The following GLI2 variants were observed in gnomAD, a reference collection of about 807,000 sequenced individuals.
GLI2 encodes GLI family zinc finger 2, also known as transcription activator GLI2.
In GLI2, 22 loss-of-function variants were observed where a neutral mutation model predicts 78.9. That is an observed-to-expected ratio of 0.28 (90% confidence interval 0.20 to 0.40). The LOEUF is 0.40. Among genes scored for constraint, GLI2 ranks in the 10% least tolerant of loss-of-function variants. GLI2 has a pLI of 1.00. For missense variants in GLI2, 2,097 were observed against 2,213.2 expected, an observed-to-expected ratio of 0.95 and a Z score of 1.05; for synonymous variants, 974 against 963.7, an observed-to-expected ratio of 1.01 and a Z score of -0.20.
chr2:120,924,896 C>A (rs536330173), intron 2 of GLI2, among the ~76,000 whole-genome samples: 2 of 152,228 alleles, frequency 1.3e-5, no homozygotes, highest in Non-Finnish European at 2.9e-5. Context: ...AGTCTCCGGG[C>A]GAAGCGCCTC....
chr2:120,823,120 T>C (rs899008432), intron 2 of GLI2, among the ~76,000 whole-genome samples: 1 of 152,144 alleles, frequency 6.6e-6, no homozygotes. Context: ...GGCGAGGCTG[T>C]GTTTGACATG....
intron 2 of GLI2, among the ~76,000 whole-genome samples, chr2:120,908,169 TG>T (rs1265590968): frequency 6.6e-6 from 1 of 152,124 alleles, no homozygotes; most frequent in South Asian, 2.1e-4. Context: ...AGCCATGGCC[TG>T]GGGGGCCTGT....
intron 2 of GLI2, among the ~76,000 whole-genome samples, chr2:120,914,860 T>C (rs1679015181): frequency 6.6e-6 from 1 of 152,330 alleles, no homozygotes; most frequent in African/African-American, 2.4e-5. Context: ...GAGTCAGCAA[T>C]CAAGCCAGAC....
At chr2:120,908,189 G>A (rs991120314) in intron 2 of GLI2, among the ~76,000 whole-genome samples, 1 of 152,180 alleles carries the variant, frequency 6.6e-6, no homozygotes, top group Non-Finnish European at 1.5e-5. Flanking sequence ...GTCACCCAGG[G>A]GTGACCCTTC....
chr2:120,908,676 A>G (rs1315179635), intron 2 of GLI2, among the ~76,000 whole-genome samples: 2 of 152,080 alleles, frequency 1.3e-5, no homozygotes, highest in African/African-American at 4.8e-5. Context: ...CCTCCCACCG[A>G]TGGGCCACAC....
rs532714017 is a variant in GLI2, at chr2:120,989,715, C to G, written c.3750C>G (p.Pro1250=). 6.2e-7 allele frequency: 1 copy of G among 1,613,252 alleles called. No homozygotes were observed. The highest frequency in any genetic ancestry group is 1.3e-5 in the African/African-American group (1 of 75,068). Residue 1250 remains proline (P), a synonymous_variant, in exon 14 of 14, where the codon CCC becomes CCG. Coordinates refer to ENST00000361492, the MANE Select transcript of GLI2 (RefSeq NM_001374353.1). ...STISGALNQF[P]QSCSNMPAKP... ...TCAGTGGGGCCCTCAACCAGTTCCC[C>G]CAATCCTGCAGCAACATGCCAGCCA...
At chr2:120,853,628 T>TA (rs1687510297) in intron 2 of GLI2, among the ~76,000 whole-genome samples, 1 of 152,234 alleles carries the variant, frequency 6.6e-6, no homozygotes, top group Admixed American at 6.5e-5. Flanking sequence ...AAAGATGACA[T>TA]AATCATACTT....
chr2:120,818,899 C>T (rs1316443451), intron 2 of GLI2, among the ~76,000 whole-genome samples: 1 of 152,194 alleles, frequency 6.6e-6, no homozygotes, highest in African/African-American at 2.4e-5. Flanking sequence ...TGCTGATAAC[C>T]TGCTTATCTG....
In GLI2 at chr2:120,986,606, C is replaced by T. The variant is rs369835105; in HGVS notation, c.2234C>T (p.Pro745Leu). ...CGGAACACCAAGCTGCCTCCCCTCC[C>T]GGGAAGTGGTGAGTAAAGGCCTGGG... ...HTRNTKLPPL[P>L]GSGSILENFS... Residue 745 changes from proline (P) to leucine (L), a missense_variant, in exon 13 of 14, where the codon CCG becomes CTG. Physicochemically the swap from Pro to Leu is moderately conservative, Grantham distance 98. This residue lies in a region of GLI2 where 1,290 missense variants were observed against 1,261.7 expected (regional missense o/e 1.02). Coordinates refer to ENST00000361492, the MANE Select transcript of GLI2 (RefSeq NM_001374353.1). 4.3e-6 allele frequency: 7 copies of T among 1,613,764 alleles called. No individual in the cohort carries two copies. The highest frequency in any genetic ancestry group is 2.7e-5 in the African/African-American group (2 of 74,932).
chr2:120,775,057 C>T (rs952469849), intron 1 of GLI2, among the ~76,000 whole-genome samples: 5 of 152,168 alleles, frequency 3.3e-5, no homozygotes, highest in African/African-American at 9.7e-5. Context: ...AAATGCTGCC[C>T]CTTGCCAGGA....
At position 120,975,086 on chromosome 2, in the gene GLI2, G is replaced by A. The variant is rs13427953; in HGVS notation, c.1294G>A (p.Asp432Asn). 123 of 1,613,840 alleles carry A rather than the reference G, an allele frequency of 7.6e-5. No homozygotes were observed. Among genetic ancestry groups the A allele is most frequent in the Non-Finnish European group, 9.7e-5 (114 of 1,180,026 alleles). ...CTGGGAAGACTGCACCAAGGAGTACGACACCCAGGAGCAGCTGGTGCATGT... is the reference window on the plus strand; with the variant it reads ...CTGGGAAGACTGCACCAAGGAGTACAACACCCAGGAGCAGCTGGTGCATGT... ...CHWEDCTKEY[D>N]TQEQLVHHIN... The change falls in exon 9 of 14, where the codon GAC (aspartate) becomes AAC (asparagine). Residue 432 changes from aspartate (D) to asparagine (N), a missense_variant. Coordinates refer to ENST00000361492, the MANE Select transcript of GLI2 (RefSeq NM_001374353.1).
In GLI2 at chr2:120,800,204, G is replaced by C. The variant is rs932183740; in HGVS notation, c.148+2736G>C. Among the ~76,000 whole-genome samples the C allele has an allele frequency of 6.6e-6, 1 of 152,206 alleles. No homozygotes were observed. Among genetic ancestry groups the C allele is most frequent in the Non-Finnish European group, 1.5e-5 (1 of 68,036 alleles). ...GACAGTGCCGCAGGGTGCACCCCGG[G>C]TGGATGCAAGGGTGTGGGGAGCTGA... On this transcript the variant is annotated intron_variant, in intron 2 of 13. Coordinates refer to ENST00000361492, the MANE Select transcript of GLI2 (RefSeq NM_001374353.1). The surrounding 1 kb of genome is among the most constrained non-coding windows in gnomAD (Gnocchi z 4.1).
intron 2 of GLI2, among the ~76,000 whole-genome samples, chr2:120,915,419 C>T (rs770089661): frequency 1.3e-5 from 2 of 152,064 alleles, no homozygotes; most frequent in Non-Finnish European, 1.5e-5. Context: ...TTTAGTTGCA[C>T]GTTGTGGAGT....
At chr2:120,795,800 A>G (rs1042954244) in intron 1 of GLI2, among the ~76,000 whole-genome samples, 1 of 152,164 alleles carries the variant, frequency 6.6e-6, no homozygotes, top group Admixed American at 6.5e-5. Context: ...CTGTAATCCC[A>G]GCACTTTAGG....
At chr2:120,877,570 T>G (rs1005966166) in intron 2 of GLI2, among the ~76,000 whole-genome samples, 1 of 152,242 alleles carries the variant, frequency 6.6e-6, no homozygotes, top group Non-Finnish European at 1.5e-5. Flanking sequence ...TTCTGACTTC[T>G]GAGAGCATAG....
chr2:120,877,482 C>T (rs1688813523), intron 2 of GLI2, among the ~76,000 whole-genome samples: 1 of 152,166 alleles, frequency 6.6e-6, no homozygotes, highest in African/African-American at 2.4e-5. Flanking sequence ...AAGAGACAGA[C>T]CATGACCATG....
At chr2:120,973,951 A>G (rs1173810364) in intron 8 of GLI2, among the ~76,000 whole-genome samples, 1 of 152,146 alleles carries the variant, frequency 6.6e-6, no homozygotes, top group Non-Finnish European at 1.5e-5. Context: ...CAGCTATGGT[A>G]CCACTCATTG....
intron 1 of GLI2, among the ~76,000 whole-genome samples, chr2:120,777,145 A>G (rs1013793327): frequency 3.3e-5 from 5 of 152,082 alleles, no homozygotes; most frequent in African/African-American, 1.2e-4. Flanking sequence ...GAGAGTGGGA[A>G]CCAGCGTGTG....
At chr2:120,780,430 A>G (rs954946190) in intron 1 of GLI2, among the ~76,000 whole-genome samples, 6 of 152,222 alleles carry the variant, frequency 3.9e-5, no homozygotes, top group Admixed American at 3.3e-4. Flanking sequence ...GGAGGAAGAC[A>G]GGGAGGGAAG....
Sources: gnomAD v4.1 joint callset for allele counts (sites outside exome capture counted in the v4.1 genomes callset) on GRCh38, gnomAD v4.1.1 for gene constraint, gnomAD v4.1.1 regional missense constraint, Gnocchi (gnomAD v3.1) non-coding constraint, MANE v1.5 for transcripts, NCBI Gene and HGNC (gene_info 2026-07-23, HGNC 2026-07-21) for gene names.